ZMYM2: variants seen among roughly 807,000 people sequenced by gnomAD.
The protein encoded by ZMYM2 is zinc finger MYM-type protein 2.
ZMYM2 carries 56 observed loss-of-function variants against 162.8 expected under a neutral mutation model. The observed-to-expected ratio is 0.34, with a 90% confidence interval of 0.28 to 0.43. The LOEUF (loss-of-function observed/expected upper bound fraction) is 0.43, where lower values mean the gene tolerates loss of function less well. Among genes scored for constraint, ZMYM2 ranks in the 20% least tolerant of loss-of-function variants. The probability of loss-of-function intolerance (pLI) is 1.00; values close to 1 mark genes in which losing one functional copy is unlikely to be tolerated. For missense variants in ZMYM2, 1,275 were observed against 1,621.8 expected (o/e 0.79, Z 3.67); for synonymous variants, 510 against 541.6 (o/e 0.94, Z 0.81).
the ZMYM2 span, among the ~76,000 whole-genome samples, chr13:19,879,140 GATTC>G: frequency 7.9e-5 from 12 of 152,060 alleles, no homozygotes; most frequent in Non-Finnish European, 1.8e-4. Context: ...TTAAGTCTTT[GATTC>G]ATTTTGAGTT....
intron 6 of ZMYM2, among the ~76,000 whole-genome samples, chr13:20,007,620 G>GTTTTTT (rs71198950): frequency 7.4e-6 from 1 of 135,056 alleles, no homozygotes. Context: ...TCCCTCTTTA[G>GTTTTTT]TTTTTTTTTT....
At chr13:19,989,678 T>C (rs1293205178) in intron 2 of ZMYM2, among the ~76,000 whole-genome samples, 1 of 152,228 alleles carries the variant, frequency 6.6e-6, no homozygotes, top group Non-Finnish European at 1.5e-5. Flanking sequence ...CCAGTTATAC[T>C]CTTATTTTAA....
chr13:20,027,124 C>G, intron 8 of ZMYM2, 79 bp from the exon 9 acceptor site: 1 of 938,530 alleles, frequency 1.1e-6, no homozygotes, highest in Non-Finnish European at 1.5e-6. Context: ...ACAGAAACTT[C>G]TATGATCTCA....
At chr13:19,912,145 C>G in the ZMYM2 span, among the ~76,000 whole-genome samples, 7 of 152,176 alleles carry the variant, frequency 4.6e-5, no homozygotes, top group Non-Finnish European at 8.8e-5. Flanking sequence ...TTGGCAAATG[C>G]TTTCTTCTCC....
chr13:20,062,624 T>G (rs960177463), intron 17 of ZMYM2, among the ~76,000 whole-genome samples: 2 of 152,220 alleles, frequency 1.3e-5, no homozygotes, highest in African/African-American at 2.4e-5. Context: ...CTGTAAAATT[T>G]ATAGGATTAA....
At chr13:19,971,260 A>ATTTTT (rs1956302973) in intron 2 of ZMYM2, among the ~76,000 whole-genome samples, 1 of 103,084 alleles carries the variant, frequency 9.7e-6, no homozygotes, top group African/African-American at 3.5e-5. Context: ...ATATATATAT[A>ATTTTT]TATTTTTTTT....
chr13:20,042,092 G>A (rs1262056012), intron 12 of ZMYM2, among the ~76,000 whole-genome samples: 2 of 152,108 alleles, frequency 1.3e-5, no homozygotes, highest in Admixed American at 1.3e-4. Context: ...TCCTGAATTT[G>A]AATGTTGGCC....
In ZMYM2 at chr13:20,019,597, C is replaced by A; in HGVS notation, c.1563C>A (p.Asp521Glu). 1 of 1,597,436 alleles carries A rather than the reference C, an allele frequency of 6.3e-7. No individual in the cohort carries two copies. The highest frequency in any genetic ancestry group is 8.5e-7 in the Non-Finnish European group (1 of 1,171,452). ...FLKEVRDHMQ[D>E]SFLMQPEKYG... ...AGGAGGTTCGAGATCACATGCAGGACTCTTTCTTAATGCAGCCTGAGGTAA... is the reference window on the plus strand; with the variant it reads ...AGGAGGTTCGAGATCACATGCAGGAATCTTTCTTAATGCAGCCTGAGGTAA... Residue 521 changes from aspartate to glutamate, a missense_variant, in exon 7 of 25, where the codon GAC becomes GAA. Physicochemically the swap from Asp to Glu is conservative, Grantham distance 45. Coordinates refer to ENST00000610343, the MANE Select transcript of ZMYM2 (RefSeq NM_197968.4).
At chr13:19,874,972 T>C in the ZMYM2 span, among the ~76,000 whole-genome samples, 2 of 152,318 alleles carry the variant, frequency 1.3e-5, no homozygotes, top group African/African-American at 4.8e-5. Flanking sequence ...TTGGTGGGAA[T>C]GTAAATTAGT....
At chr13:19,975,896 G>GTATC (rs149883308) in intron 2 of ZMYM2, among the ~76,000 whole-genome samples, 7 of 151,712 alleles carry the variant, frequency 4.6e-5, no homozygotes, top group African/African-American at 1.7e-4. Context: ...ATGTATGTAT[G>GTATC]TATGTATGTA....
chr13:19,898,549 C>A, the ZMYM2 span, among the ~76,000 whole-genome samples: 1 of 152,022 alleles, frequency 6.6e-6, no homozygotes, highest in Non-Finnish European at 1.5e-5. Flanking sequence ...ACACCTTAAA[C>A]AATCTGTGGG....
At chr13:20,028,753 T>C (rs1017108418) in intron 9 of ZMYM2, among the ~76,000 whole-genome samples, 1 of 152,158 alleles carries the variant, frequency 6.6e-6, no homozygotes, top group African/African-American at 2.4e-5. Flanking sequence ...CTGTATTGTT[T>C]AGGCAATAAT....
At chr13:20,074,138 A>G (rs1400258021) in intron 21 of ZMYM2, among the ~76,000 whole-genome samples, 1 of 151,064 alleles carries the variant, frequency 6.6e-6, no homozygotes, top group Non-Finnish European at 1.5e-5. Flanking sequence ...AGTCTGGCTT[A>G]TTTCATGTAG....
chr13:19,888,177 C>T, the ZMYM2 span, among the ~76,000 whole-genome samples: 2 of 151,694 alleles, frequency 1.3e-5, no homozygotes, highest in African/African-American at 4.9e-5. Context: ...TCGCGCCTGG[C>T]TAAATTATAG....
chr13:19,962,193 T>C (rs1566158307), intron 2 of ZMYM2, among the ~76,000 whole-genome samples: 1 of 152,148 alleles, frequency 6.6e-6, no homozygotes, highest in Non-Finnish European at 1.5e-5. Context: ...CAACAGTTTT[T>C]ATTTTTTCAG....
the ZMYM2 span, among the ~76,000 whole-genome samples, chr13:19,897,450 C>T: frequency 6.6e-6 from 1 of 152,038 alleles, no homozygotes; most frequent in African/African-American, 2.4e-5. Context: ...GCATGTCCCT[C>T]GTGCCTGCTG....
rs939141807 is a variant in ZMYM2 at position 20,068,581 on chromosome 13, T to C, written c.3453+1191T>C. ...AACATGTGACTCCAGTGGTTCTGGCTGAGGGGTTGAAGATCCATGTGTGTA... is the reference window on the plus strand; with the variant it reads ...AACATGTGACTCCAGTGGTTCTGGCCGAGGGGTTGAAGATCCATGTGTGTA... On this transcript the variant is annotated intron_variant, in intron 21 of 24. Transcript: ENST00000610343. Among the ~76,000 whole-genome samples the C allele has an allele frequency of 4.6e-5, 7 of 152,274 alleles. No individual in the cohort carries two copies. In the East Asian group the frequency reaches 5.8e-4, roughly 13 times the overall value.
chr13:19,882,189 A>T, the ZMYM2 span, among the ~76,000 whole-genome samples: 6 of 152,144 alleles, frequency 3.9e-5, no homozygotes, highest in East Asian at 5.8e-4. Flanking sequence ...CTTCATCAAT[A>T]TTAAAAACTT....
chr13:19,983,790 A>G lies in ZMYM2; in HGVS notation c.-10-9273A>G, dbSNP rs188991416. 2.3e-4 allele frequency among the ~76,000 whole-genome samples: 34 copies of G among 150,634 alleles called. No individual in the cohort carries two copies. In the East Asian group the frequency reaches 6.3e-3, roughly 28 times the overall value. ...ACCACAGGCGTGCATCACTATGCCC[A>G]TCTAATTTTCCTATTTTTTGTAGAG... On this transcript the variant is annotated intron_variant, in intron 2 of 24. Coordinates refer to ENST00000610343, the MANE Select transcript of ZMYM2 (RefSeq NM_197968.4).
Sources: allele counts gnomAD v4.1 joint callset (sites outside exome capture counted in the v4.1 genomes callset), GRCh38; gene constraint gnomAD v4.1.1; transcripts MANE v1.5; gene names NCBI Gene and HGNC (gene_info 2026-07-23, HGNC 2026-07-21).